The following CACHD1 variants were observed in gnomAD, a reference collection of about 807,000 sequenced individuals.
CACHD1 encodes the protein cache domain containing 1, also known as VWFA and cache domain-containing protein 1.
Under a neutral mutation model 138.7 loss-of-function variants are expected in CACHD1, and 71 were observed. That is an observed-to-expected ratio of 0.51 (90% CI 0.42 to 0.62). The LOEUF (loss-of-function observed/expected upper bound fraction) is 0.62. Among genes scored for constraint, CACHD1 ranks in the 20% least tolerant of loss-of-function variants. CACHD1 has a pLI of 0.00. For missense variants in CACHD1, 1,389 were observed against 1,625.3 expected, an observed-to-expected ratio of 0.85 and a Z score of 2.50; for synonymous variants, 578 against 591.5, an observed-to-expected ratio of 0.98 and a Z score of 0.33.
At chr1:64,600,822 G>A (rs1432388768) in intron 3 of CACHD1, among the ~76,000 whole-genome samples, 2 of 152,198 alleles carry the variant, frequency 1.3e-5, no homozygotes, top group Non-Finnish European at 2.9e-5. Context: ...GAAACGTGAA[G>A]AGAGACCTGA....
intron 1 of CACHD1, among the ~76,000 whole-genome samples, chr1:64,537,535 C>T (rs1257421479): frequency 2.6e-5 from 4 of 152,054 alleles, no homozygotes; most frequent in South Asian, 2.1e-4. Flanking sequence ...ATAAAGGCAC[C>T]GGGAGCTACC....
intron 1 of CACHD1, among the ~76,000 whole-genome samples, chr1:64,537,249 A>C (rs1278449430): frequency 7.8e-6 from 1 of 127,676 alleles, no homozygotes; most frequent in East Asian, 2.4e-4. Flanking sequence ...CCCAGTACTT[A>C]TGCTGCCCTG....
At chr1:64,486,169 T>G (rs1231673555) in intron 1 of CACHD1, among the ~76,000 whole-genome samples, 1 of 152,192 alleles carries the variant, frequency 6.6e-6, no homozygotes, top group African/African-American at 2.4e-5. Flanking sequence ...TCTTTTTTGG[T>G]GAAATATCAA....
intron 2 of CACHD1, among the ~76,000 whole-genome samples, chr1:64,578,698 G>A (rs1646988449): frequency 6.6e-6 from 1 of 152,194 alleles, no homozygotes; most frequent in Non-Finnish European, 1.5e-5. Context: ...TGGAAGACAT[G>A]CTAAGCTGGG....
chr1:64,496,801 C>CA (rs1196850929), intron 1 of CACHD1, among the ~76,000 whole-genome samples: 2 of 149,262 alleles, frequency 1.3e-5, no homozygotes, highest in Non-Finnish European at 3.0e-5. Context: ...TGCCTTCCTA[C>CA]AGGACACTCG....
At chr1:64,682,141 GA>G (rs1445039886) in intron 26 of CACHD1, 35 bp downstream of exon 26, 1 of 1,574,634 alleles carries the variant, frequency 6.4e-7, no homozygotes, top group Non-Finnish European at 8.7e-7. Flanking sequence ...AAGACCCAAG[GA>G]ACCTCATGTA....
intron 1 of CACHD1, among the ~76,000 whole-genome samples, chr1:64,496,433 C>G (rs1646306735): frequency 6.6e-6 from 1 of 152,030 alleles, no homozygotes. Context: ...AAGGCTTGAG[C>G]TAATAACTTA....
Position 64,654,772 on chromosome 1 carries a change from A to T in CACHD1, c.1751A>T (p.Glu584Val). Residue 584 changes from glutamate to valine, a missense_variant, in exon 12 of 27, where the codon GAA becomes GTA. Around this residue, in one of 5 missense-constraint regions of CACHD1, gnomAD observed 1,000 missense variants for 1,114.7 expected, o/e 0.90. Coordinates refer to ENST00000651257, the MANE Select transcript of CACHD1 (RefSeq NM_020925.4). ...HINKLRETGK[E>V]AYNVSYAWKM... ...AACAAGCTGAGAGAAACTGGAAAGG[A>T]AGCCTACAATGTTAGCTATGCCTGG... The T allele has an allele frequency of 6.2e-7, 1 of 1,613,618 alleles. No homozygotes were observed. The highest frequency in any genetic ancestry group is 8.5e-7 in the Non-Finnish European group (1 of 1,179,536).
At chr1:64,479,846 G>T (rs1646198529) in intron 1 of CACHD1, among the ~76,000 whole-genome samples, 1 of 152,194 alleles carries the variant, frequency 6.6e-6, no homozygotes, top group Non-Finnish European at 1.5e-5. Context: ...GGAACTAGCT[G>T]CTGCTTGTGC....
chr1:64,606,133 A>ACACACACACACACACACACACG (rs1557516395), intron 4 of CACHD1, among the ~76,000 whole-genome samples: 1 of 151,418 alleles, frequency 6.6e-6, no homozygotes, highest in Admixed American at 6.6e-5. Context: ...ACACACACGC[A>ACACACACACACACACACACACG]CACACACGCA....
rs762007454 is a variant in CACHD1 at position 64,654,791 on chromosome 1, T to C, written c.1770T>C (p.Tyr590=). 2.5e-6 allele frequency: 4 copies of C among 1,610,218 alleles called. No individual in the cohort carries two copies. The highest frequency in any genetic ancestry group is 3.4e-6 in the Non-Finnish European group (4 of 1,176,500). The change falls in exon 12 of 27, where the codon TAT becomes TAC. Residue 590 remains tyrosine (Y), a synonymous_variant. Coordinates refer to ENST00000651257, the MANE Select transcript of CACHD1 (RefSeq NM_020925.4). ...GAAAGGAAGCCTACAATGTTAGCTA[T>C]GCCTGGAAGATGGTGAGTGAGAGGA... ...ETGKEAYNVS[Y]AWKMVQDTSF...
chr1:64,642,813 G>A (rs372421402), intron 8 of CACHD1, among the ~76,000 whole-genome samples: 1 of 148,538 alleles, frequency 6.7e-6, no homozygotes, highest in African/African-American at 2.5e-5. Context: ...GTGAGGTCTC[G>A]GTGGGCTGAT....
chr1:64,666,304 A>G lies in CACHD1; in HGVS notation c.2387+137A>G. The G allele has an allele frequency of 9.5e-6, 5 of 525,048 alleles. No individual in the cohort carries two copies. In the South Asian group the frequency reaches 1.2e-4, roughly 12 times the overall value. The allele number at this position is 525,048 out of a possible 1,614,324, so 32.5% of individuals were successfully genotyped here. On this transcript the variant is annotated intron_variant, in intron 16 of 26. Transcript: ENST00000651257. ...AAGTGAGGCCAGCTGGGATTTGAAC[A>G]TCTTCTCTTTCTGTCACCTTCAATT...
intron 26 of CACHD1, among the ~76,000 whole-genome samples, chr1:64,690,925 A>G (rs1221105735): frequency 6.6e-6 from 1 of 152,206 alleles, no homozygotes; most frequent in Non-Finnish European, 1.5e-5. Context: ...TCTTTAATAA[A>G]AAAGATTATC....
At chr1:64,581,498 A>C (rs1460596480) in intron 2 of CACHD1, among the ~76,000 whole-genome samples, 1 of 152,254 alleles carries the variant, frequency 6.6e-6, no homozygotes, top group Non-Finnish European at 1.5e-5. Context: ...TTATTCCTGC[A>C]TGAAAGTAAA....
intron 26 of CACHD1, among the ~76,000 whole-genome samples, chr1:64,684,633 A>T (rs1192995631): frequency 6.6e-6 from 1 of 152,070 alleles, no homozygotes; most frequent in Non-Finnish European, 1.5e-5. Context: ...AAAGTTTAAT[A>T]AATTTAGAGT....
chr1:64,691,775 T>C lies in CACHD1; in HGVS notation c.*214T>C. On this transcript the variant is annotated 3_prime_UTR_variant, in exon 27 of 27. Transcript: ENST00000651257. ...TGAAGATGTGAGGCTGGTTCTGAAA[T>C]GGAGGGGAAATAAGCCTGATGAACA... The C allele has an allele frequency of 1.7e-6, 1 of 573,088 alleles. No homozygotes were observed. Among genetic ancestry groups the C allele is most frequent in the South Asian group, 2.1e-5 (1 of 46,894 alleles). 35.5% of individuals were successfully genotyped at this position (573,088 alleles called of 1,614,324 possible).
chr1:64,692,924 A>G lies in CACHD1; in HGVS notation c.*1363A>G, dbSNP rs1439784622. 6.5e-6 allele frequency: 1 copy of G among 152,688 alleles called. No individual in the cohort carries two copies. Among genetic ancestry groups the G allele is most frequent in the African/African-American group, 2.4e-5 (1 of 41,470 alleles). The allele number at this position is 152,688 out of a possible 1,614,324, so 9.5% of individuals were successfully genotyped here. On this transcript the variant is annotated 3_prime_UTR_variant, in exon 27 of 27. Transcript: ENST00000651257. ...CTGAATAATGTTTTAATGATAGGGT[A>G]TTATGATACAATGTAAAAAACAATT...
chr1:64,524,650 A>G (rs1315152015), intron 1 of CACHD1, among the ~76,000 whole-genome samples: 2 of 152,170 alleles, frequency 1.3e-5, no homozygotes, highest in Non-Finnish European at 2.9e-5. Flanking sequence ...ATCCAAAGAG[A>G]AGTTCTAGAA....
Sources: gnomAD v4.1 joint callset for allele counts (sites outside exome capture counted in the v4.1 genomes callset) on GRCh38, gnomAD v4.1.1 for gene constraint, gnomAD v4.1.1 regional missense constraint, MANE v1.5 for transcripts, NCBI Gene and HGNC (gene_info 2026-07-23, HGNC 2026-07-21) for gene names.